SH3RF3: variants seen among roughly 807,000 people sequenced by gnomAD.
SH3RF3 encodes E3 ubiquitin-protein ligase SH3RF3.
SH3RF3 carries 29 observed loss-of-function variants against 66.3 expected under a neutral mutation model. The ratio of observed to expected loss-of-function variants is 0.44; its 90% CI spans 0.33 to 0.60. The LOEUF is 0.60. SH3RF3 is among the 20% of genes least tolerant of loss of function. SH3RF3 has a pLI of 0.04. For missense variants in SH3RF3, 1,194 were observed against 1,190.9 expected (o/e 1.00, Z -0.04); for synonymous variants, 583 against 532.0 (o/e 1.10, Z -1.32).
chr2:109,482,564 C>T (rs922053580), intron 8 of SH3RF3, among the ~76,000 whole-genome samples: 2 of 152,214 alleles, frequency 1.3e-5, no homozygotes, highest in East Asian at 3.9e-4. Flanking sequence ...AACCCACTCC[C>T]GCGCCCAGCC....
intron 7 of SH3RF3, among the ~76,000 whole-genome samples, chr2:109,448,646 C>T (rs1196683347): frequency 1.3e-5 from 2 of 152,218 alleles, no homozygotes; most frequent in African/African-American, 2.4e-5. Flanking sequence ...GGAAAATAAG[C>T]TCAGGGGTCC....
intron 1 of SH3RF3, among the ~76,000 whole-genome samples, chr2:109,264,528 A>G (rs1043486871): frequency 3.3e-5 from 5 of 152,258 alleles, no homozygotes; most frequent in African/African-American, 1.2e-4. Flanking sequence ...TGGCAAAGTG[A>G]ATCAAGTCTC....
intron 1 of SH3RF3, among the ~76,000 whole-genome samples, chr2:109,335,622 G>C (rs951418697): frequency 2.0e-5 from 3 of 152,116 alleles, no homozygotes; most frequent in African/African-American, 4.8e-5. Context: ...ACATTCTCTA[G>C]ATTTTACTTA....
In SH3RF3 at chr2:109,347,815, A is replaced by G; in HGVS notation, c.715A>G (p.Thr239Ala). 6.2e-7 allele frequency: 1 copy of G among 1,613,990 alleles called. No individual in the cohort carries two copies. Among genetic ancestry groups the G allele is most frequent in the Non-Finnish European group, 8.5e-7 (1 of 1,179,870 alleles). The change falls in exon 2 of 10, where the codon ACA becomes GCA. Residue 239 changes from threonine to alanine, a missense_variant. Transcript: ENST00000309415. ...GTGGTACCACGGCGAGCTGCACGGC[A>G]CACAGGGCTTCCTCCCAGCCAGCTA... ...EQWYHGELHG[T>A]QGFLPASYIQ...
At chr2:109,146,121 C>G (rs970212917) in intron 1 of SH3RF3, among the ~76,000 whole-genome samples, 2 of 152,112 alleles carry the variant, frequency 1.3e-5, no homozygotes, top group African/African-American at 4.8e-5. Flanking sequence ...GGTGAGGTGT[C>G]ACCACTGTTA....
chr2:109,371,746 G>T (rs1683277595), intron 3 of SH3RF3, 65 bp downstream of exon 3: 1 of 1,412,166 alleles, frequency 7.1e-7, no homozygotes, highest in Non-Finnish European at 9.9e-7. Context: ...CTACAGTGGG[G>T]TCACCTGACC....
chr2:109,152,788 C>G (rs1056629350), intron 1 of SH3RF3, among the ~76,000 whole-genome samples: 1 of 152,268 alleles, frequency 6.6e-6, no homozygotes, highest in South Asian at 2.1e-4. Flanking sequence ...GCCCGATGGC[C>G]TGATGGTGGG....
At chr2:109,164,431 G>A (rs992095303) in intron 1 of SH3RF3, among the ~76,000 whole-genome samples, 1 of 152,172 alleles carries the variant, frequency 6.6e-6, no homozygotes, top group Non-Finnish European at 1.5e-5. Context: ...CAGTTCTCCT[G>A]CCTCAGCTTC....
chr2:109,350,593 T>C (rs1306576222), intron 2 of SH3RF3, among the ~76,000 whole-genome samples: 1 of 152,198 alleles, frequency 6.6e-6, no homozygotes, highest in Non-Finnish European at 1.5e-5. Context: ...CACTCCTCAG[T>C]GTCCGCAAAT....
chr2:109,251,268 G>T (rs1680085625), intron 1 of SH3RF3, among the ~76,000 whole-genome samples: 1 of 152,150 alleles, frequency 6.6e-6, no homozygotes, highest in South Asian at 2.1e-4. Context: ...CTCCCAAAGT[G>T]CTGGGATTAA....
intron 4 of SH3RF3, among the ~76,000 whole-genome samples, chr2:109,414,822 C>A (rs1418679681): frequency 1.3e-5 from 2 of 152,242 alleles, no homozygotes; most frequent in African/African-American, 4.8e-5. Context: ...TCGGCCCATG[C>A]TCCTCCCTCA....
intron 2 of SH3RF3, among the ~76,000 whole-genome samples, chr2:109,348,523 G>GGTT (rs1227845098): frequency 6.6e-6 from 1 of 152,206 alleles, no homozygotes; most frequent in African/African-American, 2.4e-5. Flanking sequence ...TGAGTAGGAG[G>GGTT]GTTGGGTGAG....
chr2:109,303,230 CT>C (rs1462659923), intron 1 of SH3RF3, among the ~76,000 whole-genome samples: 3 of 152,214 alleles, frequency 2.0e-5, no homozygotes, highest in Non-Finnish European at 2.9e-5. Context: ...GAGAGATTCA[CT>C]TGGCCCCAAC....
chr2:109,206,370 A>G (rs1056538368), intron 1 of SH3RF3, among the ~76,000 whole-genome samples: 1 of 151,570 alleles, frequency 6.6e-6, no homozygotes, highest in African/African-American at 2.4e-5. Context: ...GGGCACCTGT[A>G]GTCCCAGCTA....
At chr2:109,249,572 C>CT (rs1166069116) in intron 1 of SH3RF3, among the ~76,000 whole-genome samples, 1 of 128,512 alleles carries the variant, frequency 7.8e-6, no homozygotes. Flanking sequence ...TCCTTCCTTC[C>CT]TTCCTTCCTT....
At chr2:109,486,602 G>A (rs1004320767) in intron 8 of SH3RF3, among the ~76,000 whole-genome samples, 1 of 152,182 alleles carries the variant, frequency 6.6e-6, no homozygotes, top group Non-Finnish European at 1.5e-5. Flanking sequence ...GCAGCTCAGC[G>A]AGGCAGATGG....
chr2:109,129,613 G>T lies in SH3RF3; in HGVS notation c.73G>T (p.Asp25Tyr). 1 of 1,486,306 alleles carries T rather than the reference G, an allele frequency of 6.7e-7. No homozygotes were observed. The highest frequency in any genetic ancestry group is 8.9e-7 in the Non-Finnish European group (1 of 1,126,722). 92.1% of individuals were successfully genotyped at this position (1,486,306 alleles called of 1,614,324 possible). A position where few individuals can be genotyped will look rare whatever the true frequency, so the allele number is the denominator to read the frequency against. Residue 25 changes from aspartate to tyrosine, a missense_variant, in exon 1 of 10, where the codon GAC (aspartate) becomes TAC (tyrosine). Transcript: ENST00000309415. The part of the protein sequence containing the change: ...AAAAQSEGDE[D>Y]RPGERRRRRA... ...TGCTGCGCAGAGCGAGGGCGACGAG[G>T]ACAGGCCAGGCGAGCGACGGCGGCG...
chr2:109,398,658 T>A lies in SH3RF3; in HGVS notation c.1014T>A (p.Asn338Lys), dbSNP rs748580626. ...KPCPAAASSC[N>K]ASLPSDSGAV... ...GCCCAGCCGCTGCATCCAGCTGCAA[T>A]GCCTCCCTGCCCTCTGACTCCGGCG... is the stretch of plus-strand genomic sequence containing the variant. The change falls in exon 4 of 10, where the codon AAT becomes AAA. Residue 338 changes from asparagine (N) to lysine (K), a missense_variant. Asn to Lys is a moderately conservative substitution (Grantham distance 94). Coordinates refer to ENST00000309415, the MANE Select transcript of SH3RF3 (RefSeq NM_001099289.3). The A allele has an allele frequency of 3.7e-6, 6 of 1,605,942 alleles. No individual in the cohort carries two copies. The highest frequency in any genetic ancestry group is 5.1e-6 in the Non-Finnish European group (6 of 1,176,754).
chr2:109,483,418 C>T (rs1160813648), intron 8 of SH3RF3, among the ~76,000 whole-genome samples: 1 of 152,220 alleles, frequency 6.6e-6, no homozygotes, highest in Non-Finnish European at 1.5e-5. Flanking sequence ...GGAGCGTATG[C>T]TCTCGGTGCC....
Sources: gnomAD v4.1 joint callset for allele counts (sites outside exome capture counted in the v4.1 genomes callset) on GRCh38, gnomAD v4.1.1 for gene constraint, MANE v1.5 for transcripts, NCBI Gene and HGNC (gene_info 2026-07-23, HGNC 2026-07-21) for gene names.